ATXN1: variants seen among roughly 807,000 people sequenced by gnomAD.
ATXN1 encodes the protein ataxin 1, also known as ataxin-1.
A neutral mutation model predicts 56.4 loss-of-function variants in ATXN1; 8 were observed. The observed-to-expected ratio is 0.14, with a 90% CI of 0.08 to 0.26. The LOEUF (loss-of-function observed/expected upper bound fraction) is 0.26, where lower values mean the gene tolerates loss of function less well. ATXN1 is among the 10% of genes least tolerant of loss of function. The probability of loss-of-function intolerance (pLI) is 1.00; values close to 1 mark genes in which losing one functional copy is unlikely to be tolerated. For missense variants in ATXN1, 987 were observed against 1,106.5 expected, an observed-to-expected ratio of 0.89 and a Z score of 1.53; for synonymous variants, 514 against 494.6, an observed-to-expected ratio of 1.04 and a Z score of -0.52.
intron 6 of ATXN1, among the ~76,000 whole-genome samples, chr6:16,415,802 C>T (rs1758893175): frequency 6.6e-6 from 1 of 152,202 alleles, no homozygotes; most frequent in Non-Finnish European, 1.5e-5. Context: ...AAAACAAATG[C>T]TCAAACCTCA....
At chr6:16,399,014 G>A (rs179941) in intron 6 of ATXN1, among the ~76,000 whole-genome samples, 16 of 152,250 alleles carry the variant, frequency 1.1e-4, no homozygotes, top group Admixed American at 5.2e-4. Flanking sequence ...ACATGCCTCC[G>A]TCTCACGACT....
chr6:16,479,143 C>A (rs1760386328), intron 6 of ATXN1, among the ~76,000 whole-genome samples: 2 of 152,116 alleles, frequency 1.3e-5, no homozygotes, highest in South Asian at 4.1e-4. Context: ...CATTTGTATA[C>A]CATTTATGTT....
At chr6:16,404,817 G>A (rs960670809) in intron 6 of ATXN1, among the ~76,000 whole-genome samples, 4 of 152,124 alleles carry the variant, frequency 2.6e-5, no homozygotes, top group Non-Finnish European at 5.9e-5. Context: ...TGAGAGCAAG[G>A]GGCTGTCGGT....
intron 2 of ATXN1, among the ~76,000 whole-genome samples, chr6:16,715,067 G>GC (rs1486292650): frequency 6.6e-6 from 1 of 151,898 alleles, no homozygotes; most frequent in Admixed American, 6.6e-5. Flanking sequence ...GCCCACCCTG[G>GC]CCCCATTATT....
At chr6:16,689,046 T>G (rs571969658) in intron 2 of ATXN1, among the ~76,000 whole-genome samples, 1 of 142,272 alleles carries the variant, frequency 7.0e-6, no homozygotes, top group Non-Finnish European at 1.5e-5. Context: ...ATATGTGTAC[T>G]CTGTGTGTGT....
At chr6:16,728,154 T>C (rs1670536964) in intron 2 of ATXN1, among the ~76,000 whole-genome samples, 1 of 152,188 alleles carries the variant, frequency 6.6e-6, no homozygotes, top group Admixed American at 6.5e-5. Context: ...TCTGCCACAC[T>C]ACCCTGGAGC....
chr6:16,719,923 C>T (rs186845903), intron 2 of ATXN1, among the ~76,000 whole-genome samples: 11 of 152,288 alleles, frequency 7.2e-5, no homozygotes, highest in African/African-American at 1.4e-4. Flanking sequence ...TGATTTCAGA[C>T]GTCTGCCCTC....
intron 5 of ATXN1, among the ~76,000 whole-genome samples, chr6:16,492,607 CA>C (rs1226051813): frequency 6.6e-6 from 1 of 150,754 alleles, no homozygotes; most frequent in Non-Finnish European, 1.5e-5. Context: ...CTATTGTAAC[CA>C]AAATAAACAA....
At chr6:16,340,099 C>T (rs1483185965) in intron 6 of ATXN1, among the ~76,000 whole-genome samples, 5 of 152,110 alleles carry the variant, frequency 3.3e-5, no homozygotes, top group African/African-American at 7.2e-5. Flanking sequence ...TTTAACCTCA[C>T]CCAAACTCAG....
At chr6:16,355,071 A>G (rs1561864737) in intron 6 of ATXN1, among the ~76,000 whole-genome samples, 1 of 152,110 alleles carries the variant, frequency 6.6e-6, no homozygotes, top group Non-Finnish European at 1.5e-5. Context: ...TTAATTACGA[A>G]GTCCTCTATT....
At chr6:16,525,083 G>A (rs1761365358) in intron 4 of ATXN1, among the ~76,000 whole-genome samples, 1 of 152,072 alleles carries the variant, frequency 6.6e-6, no homozygotes, top group South Asian at 2.1e-4. Context: ...ACCAGAATGT[G>A]AGTACCTGTA....
chr6:16,743,723 C>A (rs1210757338), intron 2 of ATXN1, among the ~76,000 whole-genome samples: 1 of 152,100 alleles, frequency 6.6e-6, no homozygotes, highest in East Asian at 1.9e-4. Context: ...GAGGAAGAGA[C>A]TCTAAGCTGA....
chr6:16,722,287 C>A (rs1759761130), intron 2 of ATXN1, among the ~76,000 whole-genome samples: 1 of 152,104 alleles, frequency 6.6e-6, no homozygotes, highest in Admixed American at 6.5e-5. Context: ...CAAGAAAGGG[C>A]CCAAAGTTCA....
intron 4 of ATXN1, among the ~76,000 whole-genome samples, chr6:16,553,172 G>T (rs943586031): frequency 1.3e-5 from 2 of 152,194 alleles, no homozygotes. Flanking sequence ...TGTGGTTTGG[G>T]TCTTATAAGA....
chr6:16,544,159 G>C (rs983295149), intron 4 of ATXN1, among the ~76,000 whole-genome samples: 2 of 152,178 alleles, frequency 1.3e-5, no homozygotes, highest in African/African-American at 2.4e-5. Flanking sequence ...CCAGGTCTCC[G>C]ATTCCACGCT....
intron 2 of ATXN1, among the ~76,000 whole-genome samples, chr6:16,695,106 G>T (rs1581372072): frequency 6.7e-6 from 1 of 148,700 alleles, no homozygotes; most frequent in Non-Finnish European, 1.5e-5. Context: ...ATGGCTCTTG[G>T]GGACCATGGC....
At chr6:16,342,789 T>C (rs1053834589) in intron 6 of ATXN1, among the ~76,000 whole-genome samples, 1 of 152,216 alleles carries the variant, frequency 6.6e-6, no homozygotes, top group Non-Finnish European at 1.5e-5. Flanking sequence ...AACAATATCA[T>C]ATGATTCCCC....
intron 2 of ATXN1, among the ~76,000 whole-genome samples, chr6:16,710,534 T>A (rs1399159943): frequency 6.6e-6 from 1 of 152,180 alleles, no homozygotes. Flanking sequence ...TTTTCAAGAT[T>A]TACCATAAAG....
chr6:16,411,689 C>T (rs1023241280), intron 6 of ATXN1, among the ~76,000 whole-genome samples: 1 of 152,132 alleles, frequency 6.6e-6, no homozygotes, highest in East Asian at 1.9e-4. Flanking sequence ...CCATAGCTGG[C>T]CTGGGGGAGA....
Sources: allele counts gnomAD v4.1 joint callset (sites outside exome capture counted in the v4.1 genomes callset), GRCh38; gene constraint gnomAD v4.1.1; transcripts MANE v1.5; gene names NCBI Gene and HGNC (gene_info 2026-07-23, HGNC 2026-07-21).